NOTCH2NLC: variants seen among roughly 807,000 people sequenced by gnomAD.
The protein encoded by NOTCH2NLC is notch 2 N-terminal like C, also known as notch homolog 2 N-terminal-like protein C.
In NOTCH2NLC, 4 loss-of-function variants were observed where a neutral mutation model predicts 17.7. The ratio of observed to expected loss-of-function variants is 0.23; its 90% CI spans 0.11 to 0.52. The LOEUF (loss-of-function observed/expected upper bound fraction) is 0.52, where lower values mean the gene tolerates loss of function less well. NOTCH2NLC is among the 20% of genes least tolerant of loss of function. The probability of loss-of-function intolerance (pLI) is 0.96; values close to 1 mark genes in which losing one functional copy is unlikely to be tolerated. For missense variants in NOTCH2NLC, 57 were observed against 207.2 expected (o/e 0.28, Z 4.45); for synonymous variants, 18 against 86.0 (o/e 0.21, Z 4.38).
chr1:149,393,168 A>T (rs1234872231), intron 1 of NOTCH2NLC, among the ~76,000 whole-genome samples: 1 of 150,302 alleles, frequency 6.7e-6, no homozygotes, highest in Admixed American at 6.6e-5. Flanking sequence ...CTCAGTGCAT[A>T]AAACTATGCC....
At chr1:149,412,141 A>AC (rs1491351066) in intron 1 of NOTCH2NLC, among the ~76,000 whole-genome samples, 1 of 147,492 alleles carries the variant, frequency 6.8e-6, no homozygotes, top group Non-Finnish European at 1.5e-5. Flanking sequence ...CAAAAAAAAA[A>AC]CAAAAAAAAG....
chr1:149,449,812 C>G (rs2084581243), intron 2 of NOTCH2NLC, among the ~76,000 whole-genome samples: 1 of 151,298 alleles, frequency 6.6e-6, no homozygotes, highest in African/African-American at 2.4e-5. Flanking sequence ...CTTTACAGCT[C>G]CTAGCAACAC....
At chr1:149,440,905 G>A (rs1156986024) in intron 2 of NOTCH2NLC, among the ~76,000 whole-genome samples, 1 of 143,724 alleles carries the variant, frequency 7.0e-6, no homozygotes, top group Non-Finnish European at 1.5e-5. Flanking sequence ...TAACTTGAAC[G>A]TTTGGAGGTA....
At chr1:149,460,885 T>G (rs1451077417) in intron 3 of NOTCH2NLC, among the ~76,000 whole-genome samples, 1 of 136,182 alleles carries the variant, frequency 7.3e-6, no homozygotes, top group Non-Finnish European at 1.6e-5. Context: ...CTTTCTTTCT[T>G]TCTTTCTTTC....
rs1487236480 is a variant in NOTCH2NLC at position 149,423,548 on chromosome 1, C to T, written c.136-7394C>T. The stretch of plus-strand genomic sequence containing the variant: ...TCATTTTAGAAAACTTTGCTTTGTT[C>T]ATTTTACTGAGCCTCTTCCAGAGGC... On this transcript the variant is annotated intron_variant, in intron 1 of 4. Coordinates refer to ENST00000650865, the MANE Select transcript of NOTCH2NLC (RefSeq NM_001364013.2). Among the ~76,000 whole-genome samples the T allele has an allele frequency of 2.5e-4, 37 of 148,244 alleles. No homozygotes were observed. In the Middle Eastern group the frequency reaches 0.011, roughly 42 times the overall value.
At chr1:149,461,834 G>A (rs2084651627) in intron 3 of NOTCH2NLC, among the ~76,000 whole-genome samples, 1 of 148,078 alleles carries the variant, frequency 6.8e-6, no homozygotes, top group African/African-American at 2.5e-5. Context: ...CCTTTGTAGG[G>A]ACATGGATGA....
At chr1:149,426,210 G>GGT (rs2084411288) in intron 1 of NOTCH2NLC, among the ~76,000 whole-genome samples, 1 of 85,916 alleles carries the variant, frequency 1.2e-5, no homozygotes, top group African/African-American at 4.5e-5. Context: ...CACTATCTGA[G>GGT]GTACACTCCT....
chr1:149,416,748 G>T (rs1375723653), intron 1 of NOTCH2NLC, among the ~76,000 whole-genome samples: 1 of 150,542 alleles, frequency 6.6e-6, no homozygotes, highest in African/African-American at 2.4e-5. Context: ...TTTTTTCCTG[G>T]AGAAATAATG....
rs1334174267 is a variant in NOTCH2NLC, at chr1:149,457,655, C to T, written c.469+2078C>T. 9.4e-4 allele frequency among the ~76,000 whole-genome samples: 141 copies of T among 149,876 alleles called. 3 individuals carry two copies. Among genetic ancestry groups the T allele is most frequent in the African/African-American group, 3.2e-3 (130 of 40,910 alleles). On this transcript the variant is annotated intron_variant, in intron 3 of 4. Transcript: ENST00000650865. ...GAGAGCCAGTCTTGAGTTCCAAAACCGAAGAACTTGGGGTTCGATATTTGA... is the reference window on the plus strand; with the variant it reads ...GAGAGCCAGTCTTGAGTTCCAAAACTGAAGAACTTGGGGTTCGATATTTGA...
intron 1 of NOTCH2NLC, among the ~76,000 whole-genome samples, chr1:149,393,221 T>C (rs2084185543): frequency 1.3e-5 from 2 of 150,746 alleles, no homozygotes; most frequent in African/African-American, 4.9e-5. Flanking sequence ...ATTAGCTAGC[T>C]TTTAGGTAGT....
At chr1:149,460,646 C>T (rs1327872850) in intron 3 of NOTCH2NLC, among the ~76,000 whole-genome samples, 1 of 148,982 alleles carries the variant, frequency 6.7e-6, no homozygotes, top group Admixed American at 6.7e-5. Flanking sequence ...CGATTCTGAT[C>T]ATCTTTTATA....
intron 2 of NOTCH2NLC, among the ~76,000 whole-genome samples, chr1:149,441,114 A>G (rs2084516889): frequency 6.9e-6 from 1 of 144,752 alleles, no homozygotes. Context: ...CAAGAGCAAG[A>G]ATGGATTGGG....
intron 1 of NOTCH2NLC, among the ~76,000 whole-genome samples, chr1:149,392,956 A>C (rs1360373839): frequency 6.7e-6 from 1 of 148,200 alleles, no homozygotes; most frequent in African/African-American, 2.5e-5. Flanking sequence ...CTGTAGTCCC[A>C]GCTACTTGGG....
intron 1 of NOTCH2NLC, among the ~76,000 whole-genome samples, chr1:149,424,803 G>T (rs1369315249): frequency 6.6e-6 from 1 of 151,188 alleles, no homozygotes; most frequent in Non-Finnish European, 1.5e-5. Context: ...CATGGCTGAA[G>T]GTGAAGAGGG....
intron 3 of NOTCH2NLC, among the ~76,000 whole-genome samples, chr1:149,460,915 C>CTT (rs1395535959): frequency 8.6e-5 from 10 of 116,416 alleles, no homozygotes; most frequent in East Asian, 2.8e-4. Flanking sequence ...TTCTTTCTTT[C>CTT]TCTCTCTTTC....
chr1:149,446,106 TTTCTGTAGACGAGTGGCTA>T (rs1219290440), intron 2 of NOTCH2NLC, among the ~76,000 whole-genome samples: 1 of 101,954 alleles, frequency 9.8e-6, no homozygotes, highest in Non-Finnish European at 2.0e-5. Flanking sequence ...GTTTTAAGCT[TTTCTGTAGACGAGTGGCTA>T]TTCACTTAGG....
rs1294766377 is a variant in NOTCH2NLC at position 149,466,178 on chromosome 1, T to C, written c.*2025T>C. Reference sequence around the variant, plus strand: ...CTTTAAGCTGTTTGGGTTAAAAATATATGTTCATGTTATAAGAAAACCAAG... The same window carrying C: ...CTTTAAGCTGTTTGGGTTAAAAATACATGTTCATGTTATAAGAAAACCAAG... On this transcript the variant is annotated 3_prime_UTR_variant, in exon 5 of 5. Coordinates refer to ENST00000650865, the MANE Select transcript of NOTCH2NLC (RefSeq NM_001364013.2). The C allele has an allele frequency of 7.8e-6, 1 of 128,728 alleles. No homozygotes were observed. The highest frequency in any genetic ancestry group is 1.7e-5 in the Non-Finnish European group (1 of 59,854). 8.0% of individuals were successfully genotyped at this position (128,728 alleles called of 1,614,324 possible). A position where few individuals can be genotyped will look rare whatever the true frequency, so the allele number is the denominator to read the frequency against.
intron 1 of NOTCH2NLC, among the ~76,000 whole-genome samples, chr1:149,421,451 A>T: frequency 7.3e-6 from 1 of 137,390 alleles, no homozygotes; most frequent in Middle Eastern, 3.6e-3. Flanking sequence ...GTGAGCTGAG[A>T]TTGCGCCACT....
intron 2 of NOTCH2NLC, among the ~76,000 whole-genome samples, chr1:149,439,406 CTTAA>C (rs1278075813): frequency 6.6e-5 from 1 of 15,256 alleles, no homozygotes; most frequent in South Asian, 1.6e-3. Context: ...TATGGAGAGG[CTTAA>C]TTAAATTCTT....
Sources: allele counts gnomAD v4.1 joint callset (sites outside exome capture counted in the v4.1 genomes callset), GRCh38; gene constraint gnomAD v4.1.1; transcripts MANE v1.5; gene names NCBI Gene and HGNC (gene_info 2026-07-23, HGNC 2026-07-21).